WDR44: variants seen among roughly 807,000 people sequenced by gnomAD.
WDR44 encodes the protein WD repeat-containing protein 44.
A neutral mutation model predicts 65.7 loss-of-function variants in WDR44; 9 were observed. That is an observed-to-expected ratio of 0.14 (90% CI 0.08 to 0.24). The LOEUF (loss-of-function observed/expected upper bound fraction) is 0.24. Among genes scored for constraint, WDR44 ranks in the 10% least tolerant of loss-of-function variants. The pLI is 1.00. For synonymous variants in WDR44, 220 were observed against 235.2 expected (o/e 0.94, Z 0.59); for missense variants, 425 against 670.9 (o/e 0.63, Z 4.05).
At chrX:118,436,668 A>G (rs759540014) in intron 13 of WDR44, 34 bp from the exon 14 acceptor site, 1 of 1,172,447 alleles carries the variant, frequency 8.5e-7, no homozygotes, top group African/African-American at 1.8e-5. Flanking sequence ...TTTTTCATAT[A>G]GTGATAACAT....
chrX:118,373,560 A>G (rs1446244820), intron 1 of WDR44, among the ~76,000 whole-genome samples: 1 of 111,911 alleles, frequency 8.9e-6, no homozygotes, highest in Non-Finnish European at 1.9e-5. Context: ...CCTTTGACTT[A>G]ATCAGTTTAG....
chrX:118,437,869 C>T (rs2057266595), intron 14 of WDR44, among the ~76,000 whole-genome samples: 1 of 110,699 alleles, frequency 9.0e-6, no homozygotes, highest in African/African-American at 3.3e-5. Flanking sequence ...AACATTGTCT[C>T]TACTAAAAAT....
At chrX:118,400,831 C>T (rs774633159) in intron 8 of WDR44, among the ~76,000 whole-genome samples, 1 of 102,094 alleles carries the variant, frequency 9.8e-6, no homozygotes, top group Non-Finnish European at 2.0e-5. Flanking sequence ...CCCCCCACCC[C>T]ACCACAGTCC....
intron 19 of WDR44, chrX:118,444,897 A>G (rs1256323493): frequency 6.1e-6 from 2 of 325,420 alleles, no homozygotes; most frequent in East Asian, 9.9e-5. Context: ...ACCAAAGAAT[A>G]TTTCTTGTTT....
chrX:118,395,669 T>C (rs2056859665), intron 6 of WDR44, among the ~76,000 whole-genome samples: 1 of 111,825 alleles, frequency 8.9e-6, no homozygotes, highest in Non-Finnish European at 1.9e-5. Context: ...CTGTGTTGCA[T>C]AGTGGAATAA....
intron 13 of WDR44, among the ~76,000 whole-genome samples, chrX:118,434,200 G>A (rs1235340653): frequency 1.8e-5 from 2 of 112,098 alleles, no homozygotes; most frequent in Non-Finnish European, 3.8e-5. Context: ...GGAGGCAGCA[G>A]TAATATGATT....
intron 19 of WDR44, among the ~76,000 whole-genome samples, chrX:118,445,476 C>A (rs1241602886): frequency 4.5e-5 from 5 of 112,138 alleles, no homozygotes; most frequent in Admixed American, 9.5e-5. Context: ...GTGTCTCTCA[C>A]AATGCTTGCC....
intron 1 of WDR44, among the ~76,000 whole-genome samples, chrX:118,349,742 G>A (rs1004100565): frequency 9.1e-6 from 1 of 110,390 alleles, no homozygotes; most frequent in Non-Finnish European, 1.9e-5. Context: ...GAGAGACGGG[G>A]TTTCACCATG....
chrX:118,432,932 G>T (rs764771111), intron 13 of WDR44, 38 bp downstream of exon 13: 19 of 1,110,299 alleles, frequency 1.7e-5, no homozygotes, highest in East Asian at 3.0e-5. Context: ...GTAATTCTGC[G>T]TATAAGGAGC....
chrX:118,402,246 C>G (rs774099089), intron 8 of WDR44, among the ~76,000 whole-genome samples: 2 of 106,324 alleles, frequency 1.9e-5, no homozygotes, highest in African/African-American at 6.9e-5. Context: ...CCAGCCCGGC[C>G]AACATGGTGA....
intron 2 of WDR44, among the ~76,000 whole-genome samples, chrX:118,380,825 A>T (rs2056708285): frequency 8.9e-6 from 1 of 112,331 alleles, no homozygotes; most frequent in Admixed American, 9.5e-5. Flanking sequence ...GTTACCTGAA[A>T]TAGCAGAGAA....
rs777728373 is a variant in WDR44 at position 118,432,344 on chromosome X, T to C, written c.1738-437T>C. On this transcript the variant is annotated intron_variant, in intron 12 of 19. Transcript: ENST00000254029. ...ATGACCCTCTTTAAGGGTGAGAAAA[T>C]CTCTCTAGAAGCCTTCCCTCATCCC... Among the ~76,000 whole-genome samples the C allele has an allele frequency of 1.1e-4, 12 of 111,001 alleles. No individual in the cohort carries two copies. In the South Asian group the frequency reaches 4.6e-3, roughly 42 times the overall value.
chrX:118,380,596 G>A (rs186130352), intron 2 of WDR44, among the ~76,000 whole-genome samples: 1 of 111,943 alleles, frequency 8.9e-6, no homozygotes, highest in East Asian at 2.8e-4. Flanking sequence ...TGAGGCTATT[G>A]AGTGCATATT....
At chrX:118,369,477 T>C (rs1431462472) in intron 1 of WDR44, among the ~76,000 whole-genome samples, 2 of 85,939 alleles carry the variant, frequency 2.3e-5, no homozygotes, top group African/African-American at 4.5e-5. Context: ...GGCCTTTTTT[T>C]TTTTTTTTTT....
chrX:118,395,449 C>A, intron 6 of WDR44, 105 bp downstream of exon 6: 1 of 621,235 alleles, frequency 1.6e-6, no homozygotes, highest in Non-Finnish European at 2.5e-6. Flanking sequence ...GGTTGCATGA[C>A]AATGTGAATG....
At chrX:118,416,691 T>A (rs1245104813) in intron 12 of WDR44, among the ~76,000 whole-genome samples, 1 of 111,950 alleles carries the variant, frequency 8.9e-6, no homozygotes, top group African/African-American at 3.2e-5. Flanking sequence ...TGTATATATA[T>A]CTGTTAAGTC....
At chrX:118,396,224 T>C (rs1164607788) in intron 6 of WDR44, among the ~76,000 whole-genome samples, 2 of 111,659 alleles carry the variant, frequency 1.8e-5, no homozygotes, top group Non-Finnish European at 3.8e-5. Flanking sequence ...TCTTAAAATA[T>C]TGCACTTTGG....
At chrX:118,378,863 G>A (rs1267730179) in intron 2 of WDR44, among the ~76,000 whole-genome samples, 3 of 91,796 alleles carry the variant, frequency 3.3e-5, no homozygotes, top group East Asian at 3.5e-4. Flanking sequence ...GTGAAACCCC[G>A]TCTCTACTAA....
intron 1 of WDR44, among the ~76,000 whole-genome samples, chrX:118,351,874 G>A (rs2802617): frequency 0.13 from 14,154 of 109,941 alleles, 779 homozygotes; most frequent in Admixed American, 0.25. Flanking sequence ...CCCGGGAGGC[G>A]GAGGTTACAG....
Sources: allele counts gnomAD v4.1 joint callset (sites outside exome capture counted in the v4.1 genomes callset), GRCh38; gene constraint gnomAD v4.1.1; transcripts MANE v1.5; gene names NCBI Gene and HGNC (gene_info 2026-07-23, HGNC 2026-07-21).